The following CNTRL variants were observed in gnomAD, a reference collection of about 807,000 sequenced individuals.
CNTRL encodes centriolin.
In CNTRL, 233 loss-of-function variants were observed where a neutral mutation model predicts 303.7. The ratio of observed to expected loss-of-function variants is 0.77; its 90% CI spans 0.69 to 0.86. The LOEUF is 0.86. Ranked by LOEUF, CNTRL falls within the 40% of genes least tolerant of loss-of-function variation. CNTRL has a pLI of 0.00. For missense variants in CNTRL, 2,524 were observed against 2,650.6 expected (o/e 0.95, Z 1.05); for synonymous variants, 900 against 922.2 (o/e 0.98, Z 0.44).
At chr9:121,110,886 A>G (rs1021621420) in intron 8 of CNTRL, among the ~76,000 whole-genome samples, 2 of 148,546 alleles carry the variant, frequency 1.3e-5, no homozygotes, top group East Asian at 1.9e-4. Flanking sequence ...TCTTCAACAG[A>G]TATTTATTGA....
intron 20 of CNTRL, 84 bp from the exon 21 acceptor site, chr9:121,144,759 G>A: frequency 9.4e-7 from 1 of 1,059,356 alleles, no homozygotes; most frequent in Non-Finnish European, 1.5e-6. Context: ...TGTGATGAAA[G>A]CAGAAGAATC....
At chr9:121,142,380 T>A in intron 19 of CNTRL, 110 bp downstream of exon 19, 1 of 928,676 alleles carries the variant, frequency 1.1e-6, no homozygotes, top group Non-Finnish European at 1.6e-6. Context: ...TCTGGCTGCA[T>A]TGCTGGCACA....
intron 1 of CNTRL, among the ~76,000 whole-genome samples, chr9:121,080,072 G>A (rs1443340854): frequency 6.6e-6 from 1 of 152,076 alleles, no homozygotes; most frequent in Non-Finnish European, 1.5e-5. Flanking sequence ...TAGACTCCAG[G>A]AAACTCAGAT....
intron 13 of CNTRL, among the ~76,000 whole-genome samples, chr9:121,124,733 T>A (rs1284211060): frequency 6.7e-6 from 1 of 148,566 alleles, no homozygotes; most frequent in Non-Finnish European, 1.5e-5. Flanking sequence ...AGCCCAGGAG[T>A]TCGAGATCAG....
chr9:121,145,003 T>C (rs567358072), intron 21 of CNTRL, 44 bp downstream of exon 21: 3 of 1,518,870 alleles, frequency 2.0e-6, no homozygotes, highest in East Asian at 2.3e-5. Context: ...CAGATTCTTA[T>C]CAGTTCCTAA....
chr9:121,173,597 TA>T (rs1452423090), intron 41 of CNTRL, 77 bp from the exon 42 acceptor site: 7 of 1,608,720 alleles, frequency 4.4e-6, no homozygotes, highest in Non-Finnish European at 6.0e-6. Flanking sequence ...GGTGCTGGGG[TA>T]GGGGAGGGAA....
chr9:121,124,193 G>C (rs1210419124), intron 13 of CNTRL, 109 bp downstream of exon 13: 3 of 895,754 alleles, frequency 3.3e-6, no homozygotes, highest in Non-Finnish European at 4.9e-6. Context: ...TCACCTATTA[G>C]TACTAGTATT....
At chr9:121,109,792 G>C (rs1182571477) in intron 8 of CNTRL, among the ~76,000 whole-genome samples, 2 of 152,016 alleles carry the variant, frequency 1.3e-5, no homozygotes, top group African/African-American at 4.8e-5. Flanking sequence ...TGTACATATG[G>C]TAGAAAAAAA....
In CNTRL at chr9:121,165,034, G is replaced by A; in HGVS notation, c.5515G>A (p.Asp1839Asn). The stretch of plus-strand genomic sequence containing the variant: ...TGTCAGAAAACTGCAGCAGGAACTA[G>A]ACCAACTAAACAGAGACAAGTTGTC... The part of the protein sequence containing the change: ...LNVRKLQQEL[D>N]QLNRDKLSLH... Residue 1839 changes from aspartate to asparagine, a missense_variant, in exon 35 of 44, where the codon GAC (aspartate) becomes AAC (asparagine). Physicochemically the swap from Asp to Asn is conservative, Grantham distance 23. Coordinates refer to ENST00000373855, the MANE Select transcript of CNTRL (RefSeq NM_007018.6). The A allele has an allele frequency of 6.2e-7, 1 of 1,609,848 alleles. No homozygotes were observed. The highest frequency in any genetic ancestry group is 8.5e-7 in the Non-Finnish European group (1 of 1,178,554).
chr9:121,092,817 ATT>A (rs71370628), intron 4 of CNTRL, among the ~76,000 whole-genome samples: 272 of 25,356 alleles, frequency 0.011, 54 homozygotes, highest in African/African-American at 0.018. Flanking sequence ...ATATATATAT[ATT>A]TTTTTTTTTT....
At chr9:121,169,572 G>A (rs370664598) in intron 38 of CNTRL, 39 bp from the exon 39 acceptor site, 11 of 1,602,748 alleles carry the variant, frequency 6.9e-6, no homozygotes, top group Middle Eastern at 1.9e-4. Context: ...CAGCTGGCTC[G>A]GGGTCTTTGG....
intron 27 of CNTRL, among the ~76,000 whole-genome samples, 193 bp from the exon 28 acceptor site, chr9:121,157,277 A>G (rs1223398730): frequency 2.0e-5 from 3 of 152,162 alleles, no homozygotes; most frequent in Non-Finnish European, 4.4e-5. Flanking sequence ...TTATATTATT[A>G]TACATTGAGC....
intron 2 of CNTRL, among the ~76,000 whole-genome samples, chr9:121,083,021 T>TA (rs961799466): frequency 6.7e-5 from 10 of 149,790 alleles, no homozygotes; most frequent in Middle Eastern, 3.4e-3. Flanking sequence ...GTATAAAATG[T>TA]AAAAAAAGTA....
chr9:121,090,710 T>C (rs1298842275), intron 4 of CNTRL, among the ~76,000 whole-genome samples: 1 of 152,252 alleles, frequency 6.6e-6, no homozygotes, highest in Non-Finnish European at 1.5e-5. Flanking sequence ...TTTGTTTACA[T>C]ATTGTCTGTG....
Position 121,150,417 on chromosome 9 carries a change from C to G in CNTRL, c.3897C>G (p.Pro1299=). ...CCATGGTGTATGGGCCTCCACCCCC[C>G]AACTTCTCCATCCCCTTCATCCCTA... ...GAPMVYGPPP[P]NFSIPFIPMG... The change falls in exon 25 of 44, where the codon CCC becomes CCG. Residue 1299 remains proline, a synonymous_variant. Coordinates refer to ENST00000373855, the MANE Select transcript of CNTRL (RefSeq NM_007018.6). 1 of 1,614,198 alleles carries G rather than the reference C, an allele frequency of 6.2e-7. No homozygotes were observed. Among genetic ancestry groups the G allele is most frequent in the East Asian group, 2.2e-5 (1 of 44,870 alleles).
rs763977685 is a variant in CNTRL, at chr9:121,161,941, A to G, written c.5175A>G (p.Glu1725=). 1 of 1,614,200 alleles carries G rather than the reference A, an allele frequency of 6.2e-7. No homozygotes were observed. Among genetic ancestry groups the G allele is most frequent in the South Asian group, 1.1e-5 (1 of 91,088 alleles). ...TACAACATGACCAAAGGGTATCTGA[A>G]TTAGAGAAGACTCAGGTGGCAGTGC... The part of the protein sequence containing the change: ...LKLQHDQRVS[E]LEKTQVAVLE... The change falls in exon 33 of 44, where the codon GAA becomes GAG. Residue 1725 remains glutamate (E), a synonymous_variant. Transcript: ENST00000373855.
chr9:121,118,203 A>T (rs2050069094), intron 11 of CNTRL, 143 bp from the exon 12 acceptor site: 1 of 518,242 alleles, frequency 1.9e-6, no homozygotes. Flanking sequence ...ATATGCATGG[A>T]GTGCTTAGAT....
At chr9:121,103,831 A>G (rs1442780621) in intron 7 of CNTRL, among the ~76,000 whole-genome samples, 1 of 152,234 alleles carries the variant, frequency 6.6e-6, no homozygotes, top group Non-Finnish European at 1.5e-5. Flanking sequence ...ATGAGATACC[A>G]TCTCACACCA....
chr9:121,156,458 T>G (rs1458301282), intron 27 of CNTRL, among the ~76,000 whole-genome samples: 2 of 152,212 alleles, frequency 1.3e-5, no homozygotes. Flanking sequence ...ATAGCCAGTT[T>G]TATCCAGTGC....
Sources: allele counts gnomAD v4.1 joint callset (sites outside exome capture counted in the v4.1 genomes callset), GRCh38; gene constraint gnomAD v4.1.1; transcripts MANE v1.5; gene names NCBI Gene and HGNC (gene_info 2026-07-23, HGNC 2026-07-21).